INO80C: variants seen among roughly 807,000 people sequenced by gnomAD.
INO80C encodes the protein INO80 complex subunit C, also known as IES6 homolog.
INO80C carries 17 observed loss-of-function variants against 17.7 expected under a neutral mutation model. That is an observed-to-expected ratio of 0.96 (90% CI 0.66 to 1.44). The LOEUF (loss-of-function observed/expected upper bound fraction) is 1.44, where lower values mean the gene tolerates loss of function less well. Ranked by LOEUF, INO80C falls within the 40% of genes most tolerant of loss-of-function variation. The pLI, the probability that INO80C is intolerant of heterozygous loss-of-function variation, is 0.00. For synonymous variants in INO80C, 96 were observed against 95.8 expected, an observed-to-expected ratio of 1.00 and a Z score of -0.01; for missense variants, 244 against 245.0, an observed-to-expected ratio of 1.00 and a Z score of 0.03.
At chr18:35,480,279 A>G (rs355319) in intron 2 of INO80C, among the ~76,000 whole-genome samples, 174 bp downstream of exon 2, 124,247 of 152,172 alleles carry the variant, frequency 0.82, 50,962 homozygotes, top group East Asian at 0.98. Flanking sequence ...GGCACATTAA[A>G]AGATCAACAG....
chr18:35,497,117 G>C (rs1418574592), intron 1 of INO80C, among the ~76,000 whole-genome samples: 2 of 152,176 alleles, frequency 1.3e-5, no homozygotes, highest in Non-Finnish European at 2.9e-5. Flanking sequence ...ATTCATTGCT[G>C]GAATTACGGA....
intron 1 of INO80C, among the ~76,000 whole-genome samples, chr18:35,488,290 T>G (rs944329203): frequency 2.0e-5 from 3 of 152,216 alleles, no homozygotes; most frequent in Non-Finnish European, 2.9e-5. Flanking sequence ...AATGTCCTAG[T>G]AGAGGTTCTC....
chr18:35,496,081 G>C (rs1309193141), intron 1 of INO80C, among the ~76,000 whole-genome samples: 1 of 152,178 alleles, frequency 6.6e-6, no homozygotes, highest in Non-Finnish European at 1.5e-5. Flanking sequence ...CAAAAACAGT[G>C]CAACTACTTT....
chr18:35,474,464 G>A (rs2045710880), intron 4 of INO80C, among the ~76,000 whole-genome samples: 2 of 151,644 alleles, frequency 1.3e-5, no homozygotes, highest in African/African-American at 2.4e-5. Flanking sequence ...AAGGCAGGAG[G>A]ATGACTTGAG....
intron 4 of INO80C, among the ~76,000 whole-genome samples, chr18:35,469,812 G>C (rs1049666219): frequency 1.3e-5 from 2 of 152,180 alleles, no homozygotes; most frequent in African/African-American, 2.4e-5. Context: ...AGTACACAGA[G>C]GGCCTCCAGT....
intron 1 of INO80C, among the ~76,000 whole-genome samples, chr18:35,491,815 C>T (rs1159232179): frequency 6.6e-6 from 1 of 152,280 alleles, no homozygotes; most frequent in East Asian, 1.9e-4. Context: ...TGAACTGTCC[C>T]GCCCCAAGAT....
rs143307982 is a variant in INO80C, at chr18:35,474,046, C to T, written c.447+4236G>A. Among the ~76,000 whole-genome samples the T allele has an allele frequency of 6.7e-3, 1,019 of 151,224 alleles. 8 individuals carry two copies. Among genetic ancestry groups the T allele is most frequent in the Non-Finnish European group, 0.012 (818 of 67,822 alleles). On this transcript the variant is annotated intron_variant, in intron 4 of 4. Coordinates refer to ENST00000334598, the MANE Select transcript of INO80C (RefSeq NM_194281.4). ...GATGCAAAGAAACAGGAAAATGTGACGCACAGTTAAGAAAAAAGGCAGTCA... is the reference window on the plus strand; with the variant it reads ...GATGCAAAGAAACAGGAAAATGTGATGCACAGTTAAGAAAAAAGGCAGTCA...
intron 4 of INO80C, among the ~76,000 whole-genome samples, chr18:35,476,290 T>C (rs2045734667): frequency 6.6e-6 from 1 of 152,182 alleles, no homozygotes; most frequent in African/African-American, 2.4e-5. Flanking sequence ...CCTGAGAAAC[T>C]GGCAGAGCCA....
chr18:35,479,845 G>A lies in INO80C; in HGVS notation c.268-434C>T, dbSNP rs1013309837. ...AAACTGGGGATCCTGGAAAAGTTGA[G>A]AAAGCCCCAGTTGCAGTATGGGTAC... On this transcript the variant is annotated intron_variant, in intron 2 of 4. Coordinates refer to ENST00000334598, the MANE Select transcript of INO80C (RefSeq NM_194281.4). Among the ~76,000 whole-genome samples the A allele has an allele frequency of 2.7e-5, 4 of 150,638 alleles. 1 individual carries two copies. Among genetic ancestry groups the A allele is most frequent in the South Asian group, 4.2e-4 (2 of 4,774 alleles).
At chr18:35,492,010 A>C (rs561132125) in intron 1 of INO80C, among the ~76,000 whole-genome samples, 3 of 152,162 alleles carry the variant, frequency 2.0e-5, no homozygotes, top group Non-Finnish European at 2.9e-5. Flanking sequence ...GCTCTGCCCA[A>C]CTGAAGAACC....
chr18:35,483,201 G>A (rs747391827), intron 1 of INO80C, among the ~76,000 whole-genome samples: 2 of 151,870 alleles, frequency 1.3e-5, no homozygotes, highest in Non-Finnish European at 2.9e-5. Flanking sequence ...AACTTTTATT[G>A]CTTGTATGAT....
At chr18:35,468,882 A>T (rs2045636194) in intron 4 of INO80C, 140 bp from the exon 5 acceptor site, 12 of 746,212 alleles carry the variant, frequency 1.6e-5, no homozygotes, top group Non-Finnish European at 2.4e-5. Context: ...AAGAACACTA[A>T]ATCACTCACT....
chr18:35,482,159 C>A (rs1465697104), intron 1 of INO80C, among the ~76,000 whole-genome samples: 1 of 152,162 alleles, frequency 6.6e-6, no homozygotes, highest in Non-Finnish European at 1.5e-5. Context: ...TTACAAGTCA[C>A]TGCCAAATCA....
intron 1 of INO80C, among the ~76,000 whole-genome samples, chr18:35,485,644 G>A (rs993248770): frequency 9.2e-5 from 14 of 151,874 alleles, no homozygotes; most frequent in African/African-American, 3.4e-4. Context: ...ACACAATTGG[G>A]AAGTTTCTCA....
chr18:35,495,851 A>C (rs2144097025), intron 1 of INO80C, among the ~76,000 whole-genome samples: 1 of 152,352 alleles, frequency 6.6e-6, no homozygotes, highest in South Asian at 2.1e-4. Context: ...AATTAGAAAA[A>C]AATAATTAGG....
At chr18:35,480,384 G>T in intron 2 of INO80C, 69 bp downstream of exon 2, 1 of 1,084,868 alleles carries the variant, frequency 9.2e-7, no homozygotes, top group Non-Finnish European at 1.4e-6. Context: ...CCTGGCTACA[G>T]GCCCAGCAAG....
At position 35,497,537 on chromosome 18, in the gene INO80C, G is replaced by C. The variant is rs933516832; in HGVS notation, c.156+182C>G. ...TTCTCTCCTTACAACACAAGGCGTTGTAAGCCCATGTGTCCAAACGAAGGG... is the reference window on the plus strand; with the variant it reads ...TTCTCTCCTTACAACACAAGGCGTTCTAAGCCCATGTGTCCAAACGAAGGG... On this transcript the variant is annotated intron_variant, in intron 1 of 4. Transcript: ENST00000334598. 5.7e-6 allele frequency: 8 copies of C among 1,401,924 alleles called. 1 individual carries two copies. Among genetic ancestry groups the C allele is most frequent in the Admixed American group, 6.4e-5 (2 of 31,274 alleles). The allele number at this position is 1,401,924 out of a possible 1,614,324, so 86.8% of individuals were successfully genotyped here. A position where few individuals can be genotyped will look rare whatever the true frequency, so the allele number is the denominator to read the frequency against.
intron 4 of INO80C, among the ~76,000 whole-genome samples, chr18:35,477,563 T>C (rs2045751444): frequency 6.6e-6 from 1 of 152,158 alleles, no homozygotes; most frequent in African/African-American, 2.4e-5. Context: ...AGTTCATCCA[T>C]TTGTTTAAGA....
At chr18:35,480,647 G>T in intron 1 of INO80C, 84 bp from the exon 2 acceptor site, 1 of 1,022,146 alleles carries the variant, frequency 9.8e-7, no homozygotes, top group Non-Finnish European at 1.5e-6. Flanking sequence ...GGCATACGAT[G>T]ATGCCACAGG....
Sources: gnomAD v4.1 joint callset for allele counts (sites outside exome capture counted in the v4.1 genomes callset) on GRCh38, gnomAD v4.1.1 for gene constraint, MANE v1.5 for transcripts, NCBI Gene and HGNC (gene_info 2026-07-23, HGNC 2026-07-21) for gene names.